The following GTPBP4 variants were observed in gnomAD, a reference collection of about 807,000 sequenced individuals.
GTPBP4 encodes the protein GTP-binding protein 4.
In GTPBP4, 15 loss-of-function variants were observed where a neutral mutation model predicts 81.7. That is an observed-to-expected ratio of 0.18 (90% CI 0.12 to 0.28). The LOEUF is 0.28. Ranked by LOEUF, GTPBP4 falls within the 10% of genes least tolerant of loss-of-function variation. The pLI, the probability that GTPBP4 is intolerant of heterozygous loss-of-function variation, is 1.00. For synonymous variants in GTPBP4, 272 were observed against 274.6 expected, an observed-to-expected ratio of 0.99 and a Z score of 0.09; for missense variants, 847 against 793.8, an observed-to-expected ratio of 1.07 and a Z score of -0.81.
chr10:988,562 C>G, intron 1 of GTPBP4, 35 bp downstream of exon 1: 2 of 1,550,042 alleles, frequency 1.3e-6, no homozygotes, highest in Non-Finnish European at 1.8e-6. Flanking sequence ...GCAACTTTCG[C>G]GTTCTCCTCA....
At position 1,019,455 on chromosome 10, in the gene GTPBP4, C is replaced by G; in HGVS notation, c.*2228C>G. 7.3e-7 allele frequency: 1 copy of G among 1,377,958 alleles called. No homozygotes were observed. The highest frequency in any genetic ancestry group is 9.9e-7 in the Non-Finnish European group (1 of 1,006,118). 85.4% of individuals were successfully genotyped at this position (1,377,958 alleles called of 1,614,324 possible). A position where few individuals can be genotyped will look rare whatever the true frequency, so the allele number is the denominator to read the frequency against. On this transcript the variant is annotated 3_prime_UTR_variant, in exon 17 of 17. Coordinates refer to ENST00000360803, the MANE Select transcript of GTPBP4 (RefSeq NM_012341.3). ...TTTTTTGGAGAGGGTGTATCATTGC[C>G]TCAATGGTGCGTCTGCCTGCACTGA... is the stretch of plus-strand genomic sequence containing the variant.
At position 988,494 on chromosome 10, in the gene GTPBP4, C is replaced by T. The variant is rs756809122; in HGVS notation, c.15C>T (p.Asn5=). MAHY[N]FKKITVVPSA... ...CGGCTGCCGGCATGGCACATTACAA[C>T]TTCAAGAAAATTACGGTGGTGCCGT... Residue 5 remains asparagine, a synonymous_variant, in exon 1 of 17, where the codon AAC becomes AAT. Transcript: ENST00000360803. 1.1e-5 allele frequency: 18 copies of T among 1,613,264 alleles called. No homozygotes were observed. Among genetic ancestry groups the T allele is most frequent in the Non-Finnish European group, 1.5e-5 (18 of 1,179,728 alleles).
chr10:1,017,512 GT>G lies in GTPBP4; in HGVS notation c.*290del. 1 of 284,734 alleles carries G rather than the reference GT, an allele frequency of 3.5e-6. No homozygotes were observed. The allele number at this position is 284,734 out of a possible 1,614,324, so 17.6% of individuals were successfully genotyped here. On this transcript the variant is annotated 3_prime_UTR_variant, in exon 17 of 17. Coordinates refer to ENST00000360803, the MANE Select transcript of GTPBP4 (RefSeq NM_012341.3). Reference sequence around the variant, plus strand: ...GAAGATTTACTGGTTTAACTAGGTTGTTTTTGATGGAGAAAAACCTTATTTT... The same window carrying G: ...GAAGATTTACTGGTTTAACTAGGTTGTTTTGATGGAGAAAAACCTTATTTT...
Position 995,950 on chromosome 10 carries a change from G to A in GTPBP4, c.241G>A (p.Asp81Asn), listed in dbSNP as rs535536805. ...ACAGGATATTCATCCGTTCTATGCT[G>A]ATTTGATGAATATTCTCTACGACAA... Reference protein sequence around the residue: ...KLDDIHPFYADLMNILYDKDH... With the variant: ...KLDDIHPFYANLMNILYDKDH... The change falls in exon 3 of 17, where the codon GAT (aspartate) becomes AAT (asparagine). Residue 81 changes from aspartate (D) to asparagine (N), a missense_variant. Asp to Asn is a conservative substitution (Grantham distance 23). Transcript: ENST00000360803. 1 of 1,608,942 alleles carries A rather than the reference G, an allele frequency of 6.2e-7. No homozygotes were observed.
chr10:1,011,914 C>T (rs1208915354), intron 13 of GTPBP4, among the ~76,000 whole-genome samples: 2 of 152,258 alleles, frequency 1.3e-5, no homozygotes, highest in African/African-American at 2.4e-5. Flanking sequence ...TCCCCTTCCA[C>T]GAGGCCTGGC....
intron 8 of GTPBP4, among the ~76,000 whole-genome samples, chr10:1,005,205 G>A (rs1298070645): frequency 5.9e-5 from 9 of 152,120 alleles, no homozygotes; most frequent in Non-Finnish European, 1.3e-4. Flanking sequence ...GAGTGCAGTG[G>A]CGTGATCTCT....
chr10:1,010,433 A>C lies in GTPBP4; in HGVS notation c.1257A>C (p.Leu419Phe). Residue 419 changes from leucine to phenylalanine, a missense_variant, in exon 13 of 17, where the codon TTA becomes TTC. Physicochemically the swap from Leu to Phe is conservative, Grantham distance 22. Transcript: ENST00000360803. The part of the protein sequence containing the change: ...YILDLQKYWD[L>F]MNLSEKHDKI... ...TTTTAACTTTAGAGTACTGGGATTTAATGAATTTGTCTGAAAAACATGATA... is the reference window on the plus strand; with the variant it reads ...TTTTAACTTTAGAGTACTGGGATTTCATGAATTTGTCTGAAAAACATGATA... 9 of 1,548,604 alleles carry C rather than the reference A, an allele frequency of 5.8e-6. No homozygotes were observed. The highest frequency in any genetic ancestry group is 8.0e-6 in the Non-Finnish European group (9 of 1,120,186).
chr10:1,009,286 C>A (rs1418002583), intron 11 of GTPBP4, among the ~76,000 whole-genome samples: 1 of 152,214 alleles, frequency 6.6e-6, no homozygotes, highest in Non-Finnish European at 1.5e-5. Flanking sequence ...CAGCCTCTTC[C>A]TACCAGAACC....
intron 16 of GTPBP4, 107 bp from the exon 17 acceptor site, chr10:1,016,968 T>G (rs1053660323): frequency 1.2e-6 from 1 of 814,230 alleles, no homozygotes; most frequent in Non-Finnish European, 2.0e-6. Context: ...GTCTCTTCGC[T>G]GAGCAGACCT....
intron 10 of GTPBP4, chr10:1,007,360 T>A (rs1048207382): frequency 2.4e-5 from 10 of 411,302 alleles, no homozygotes; most frequent in Non-Finnish European, 4.0e-5. Flanking sequence ...AGTTTATCCT[T>A]CCAGAAATGT....
chr10:1,015,305 C>T lies in GTPBP4; in HGVS notation c.1609-448C>T, dbSNP rs146639679. On this transcript the variant is annotated intron_variant, in intron 15 of 16. Coordinates refer to ENST00000360803, the MANE Select transcript of GTPBP4 (RefSeq NM_012341.3). Reference sequence around the variant, plus strand: ...TTAGCCCATGTGTTAATGGTTCAGACGCTCCTCTCCTCCCCTCTTGCTGGA... The same window carrying T: ...TTAGCCCATGTGTTAATGGTTCAGATGCTCCTCTCCTCCCCTCTTGCTGGA... Among the ~76,000 whole-genome samples the T allele has an allele frequency of 2.0e-3, 307 of 152,290 alleles. 1 individual carries two copies. Among genetic ancestry groups the T allele is most frequent in the African/African-American group, 6.8e-3 (282 of 41,564 alleles).
rs946786064 is a variant in GTPBP4, at chr10:1,018,692, CA to C, written c.*1467del. The C allele has an allele frequency of 6.6e-6, 1 of 151,320 alleles. No homozygotes were observed. The highest frequency in any genetic ancestry group is 1.5e-5 in the Non-Finnish European group (1 of 67,976). 9.4% of individuals were successfully genotyped at this position (151,320 alleles called of 1,614,324 possible). A position where few individuals can be genotyped will look rare whatever the true frequency, so the allele number is the denominator to read the frequency against. On this transcript the variant is annotated 3_prime_UTR_variant, in exon 17 of 17. Transcript: ENST00000360803. ...GTGTGGTGGCGGGCGCCTGTAGTCC[CA>C]ACTACTTGGGAGGCTGAGGCAGGAG...
intron 16 of GTPBP4, among the ~76,000 whole-genome samples, chr10:1,016,134 C>A (rs1181737800): frequency 6.6e-6 from 1 of 152,148 alleles, no homozygotes; most frequent in African/African-American, 2.4e-5. Flanking sequence ...CGGAGGGTGG[C>A]CAGAGCATGG....
In GTPBP4 at chr10:992,564, C is replaced by A; in HGVS notation, c.124C>A (p.Arg42Ser). 1 of 1,595,200 alleles carries A rather than the reference C, an allele frequency of 6.3e-7. No individual in the cohort carries two copies. Among genetic ancestry groups the A allele is most frequent in the Non-Finnish European group, 8.6e-7 (1 of 1,162,962 alleles). ...TATTCATAAACATTACCAAATACATCGCATTAGACATTTTTACATGAGAAA... is the reference window on the plus strand; with the variant it reads ...TATTCATAAACATTACCAAATACATAGCATTAGACATTTTTACATGAGAAA... The part of the protein sequence containing the change: ...TVIHKHYQIH[R>S]IRHFYMRKVK... The change falls in exon 2 of 17, where the codon CGC becomes AGC. Residue 42 changes from arginine (R) to serine (S), a missense_variant. Around this residue, in one of 3 missense-constraint regions of GTPBP4, gnomAD observed 241 missense variants for 216.3 expected, o/e 1.11. Coordinates refer to ENST00000360803, the MANE Select transcript of GTPBP4 (RefSeq NM_012341.3).
intron 8 of GTPBP4, among the ~76,000 whole-genome samples, chr10:1,003,423 TAG>T (rs904731220): frequency 3.0e-4 from 45 of 152,234 alleles, no homozygotes; most frequent in Non-Finnish European, 8.8e-5. Flanking sequence ...AGTCTGTTCC[TAG>T]AGAGTTAATA....
At position 1,014,404 on chromosome 10, in the gene GTPBP4, C is replaced by A. The variant is rs189312489; in HGVS notation, c.1608+92C>A. On this transcript the variant is annotated intron_variant, in intron 15 of 16. Coordinates refer to ENST00000360803, the MANE Select transcript of GTPBP4 (RefSeq NM_012341.3). ...GGGCGTGGTGGCTCATGCCTGTAAT[C>A]CCAGCACTTTGGGAGGCCAAGGCGG... 5.0e-5 allele frequency: 46 copies of A among 911,528 alleles called. No individual in the cohort carries two copies. In the East Asian group the frequency reaches 1.2e-3, roughly 24 times the overall value. The allele number at this position is 911,528 out of a possible 1,614,324, so 56.5% of individuals were successfully genotyped here. A position where few individuals can be genotyped will look rare whatever the true frequency, so the allele number is the denominator to read the frequency against.
In GTPBP4 at chr10:1,012,649, G is replaced by A. The variant is rs372753265; in HGVS notation, c.1529G>A (p.Arg510Gln). The change falls in exon 14 of 17, where the codon CGA becomes CAA. Residue 510 changes from arginine to glutamine, a missense_variant. Arg to Gln is a conservative substitution (Grantham distance 43, BLOSUM62 1). This residue lies in a region of GTPBP4 where 600 missense variants were observed against 557.1 expected (regional missense o/e 1.08). Transcript: ENST00000360803. ...EKNTQGPRMP[R>Q]TAKKVQRTVL... Reference sequence around the variant, plus strand: ...AATACACAGGGACCCAGGATGCCGCGAACTGCTAAGAAGGCAAGTTTGTGT... The same window carrying A: ...AATACACAGGGACCCAGGATGCCGCAAACTGCTAAGAAGGCAAGTTTGTGT... The A allele has an allele frequency of 2.8e-5, 45 of 1,611,506 alleles. No individual in the cohort carries two copies. The South Asian group carries it at 3.2e-4, about 11-fold the overall frequency.
At chr10:1,016,207 C>T (rs1831989811) in intron 16 of GTPBP4, among the ~76,000 whole-genome samples, 1 of 112,998 alleles carries the variant, frequency 8.8e-6, no homozygotes, top group African/African-American at 2.9e-5. Flanking sequence ...GAAGTGGCCA[C>T]AGCTGAGCAC....
intron 14 of GTPBP4, among the ~76,000 whole-genome samples, chr10:1,012,916 A>G (rs1831906363): frequency 6.6e-6 from 1 of 152,194 alleles, no homozygotes; most frequent in African/African-American, 2.4e-5. Flanking sequence ...GTACAGATTA[A>G]AACTGTAACT....
Sources: allele counts gnomAD v4.1 joint callset (sites outside exome capture counted in the v4.1 genomes callset), GRCh38; gene constraint gnomAD v4.1.1; regional missense constraint gnomAD v4.1.1; transcripts MANE v1.5; gene names NCBI Gene and HGNC (gene_info 2026-07-23, HGNC 2026-07-21).